Variants in FRMD4A observed in about 807,000 individuals in gnomAD.
The protein encoded by FRMD4A is FERM domain-containing protein 4A.
Under a neutral mutation model 129.1 loss-of-function variants are expected in FRMD4A, and 29 were observed. The observed-to-expected ratio is 0.22, with a 90% CI of 0.17 to 0.31. The LOEUF is 0.31. FRMD4A is among the 10% of genes least tolerant of loss of function. The pLI is 1.00. For synonymous variants in FRMD4A, 634 were observed against 571.6 expected, an observed-to-expected ratio of 1.11 and a Z score of -1.56; for missense variants, 1,272 against 1,375.8, an observed-to-expected ratio of 0.92 and a Z score of 1.19.
rs565386669 is a variant in FRMD4A, at chr10:13,724,967, G to A, written c.759+12877C>T. On this transcript the variant is annotated intron_variant, in intron 12 of 24. Coordinates refer to ENST00000357447, the MANE Select transcript of FRMD4A (RefSeq NM_018027.5). ...GATCTAGCTTGAGCACTGGCTCCAC[G>A]GGAGTCAAAGACAGACGTGGGGTTA... Among the ~76,000 whole-genome samples the A allele has an allele frequency of 1.2e-4, 19 of 152,280 alleles. 1 individual carries two copies. The East Asian group carries it at 2.7e-3, about 22-fold the overall frequency.
chr10:14,223,132 T>A (rs1346615152), intron 2 of FRMD4A, among the ~76,000 whole-genome samples: 1 of 152,108 alleles, frequency 6.6e-6, no homozygotes, highest in Non-Finnish European at 1.5e-5. Context: ...AAAACACCAG[T>A]GACAGCCACT....
chr10:13,692,137 CAGCT>C (rs2085756682), intron 15 of FRMD4A: 1 of 93,770 alleles, frequency 1.1e-5, no homozygotes, highest in East Asian at 3.6e-4. Context: ...AAAATTTTAG[CAGCT>C]TTTTTTTTTT....
chr10:14,000,013 G>A (rs2095636066), intron 2 of FRMD4A, among the ~76,000 whole-genome samples: 1 of 152,204 alleles, frequency 6.6e-6, no homozygotes, highest in Admixed American at 6.5e-5. Flanking sequence ...CCCAGGTATT[G>A]TTGTAGGCTC....
chr10:13,661,827 C>T (rs565530782), intron 19 of FRMD4A, among the ~76,000 whole-genome samples: 48 of 152,214 alleles, frequency 3.2e-4, no homozygotes, highest in African/African-American at 1.2e-3. Context: ...CAACCAACTA[C>T]CATTCACTTG....
chr10:13,955,538 A>G (rs923269082), intron 2 of FRMD4A, among the ~76,000 whole-genome samples: 2 of 152,162 alleles, frequency 1.3e-5, no homozygotes, highest in East Asian at 3.8e-4. Context: ...GGCCCTGGGC[A>G]TTTCTTTTCT....
intron 8 of FRMD4A, among the ~76,000 whole-genome samples, chr10:13,750,187 G>A (rs2091544994): frequency 2.1e-5 from 2 of 96,472 alleles, no homozygotes; most frequent in South Asian, 4.1e-4. Flanking sequence ...GACCAGTGGT[G>A]TTGGTGAATC....
chr10:14,026,836 C>T (rs1833006163), intron 2 of FRMD4A, among the ~76,000 whole-genome samples: 1 of 152,204 alleles, frequency 6.6e-6, no homozygotes, highest in South Asian at 2.1e-4. Context: ...CCATGAGGGG[C>T]CCTATCATAA....
chr10:13,663,479 A>G lies in FRMD4A; in HGVS notation c.1634T>C (p.Leu545Pro). The G allele has an allele frequency of 6.4e-7, 1 of 1,563,686 alleles. No individual in the cohort carries two copies. Among genetic ancestry groups the G allele is most frequent in the Non-Finnish European group, 8.8e-7 (1 of 1,133,768 alleles). Residue 545 changes from leucine to proline, a missense_variant, in exon 19 of 25, where the codon CTC (leucine) becomes CCC (proline). Around this residue, in one of 2 missense-constraint regions of FRMD4A, gnomAD observed 972 missense variants for 892.3 expected, o/e 1.09. Transcript: ENST00000357447. ...DGNIASEDSS[L>P]SDALVLEDED... ...ATCCTCAAGAACAAGGGCATCTGAG[A>G]GGGAGCTGTCTTCACTGGCAATGTT...
chr10:14,203,837 A>G (rs954127929), intron 2 of FRMD4A, among the ~76,000 whole-genome samples: 3 of 152,218 alleles, frequency 2.0e-5, no homozygotes, highest in Non-Finnish European at 4.4e-5. Flanking sequence ...AAAAGCATTC[A>G]TTTGAATTGT....
At chr10:14,021,403 A>T (rs1479421915) in intron 2 of FRMD4A, among the ~76,000 whole-genome samples, 2 of 151,694 alleles carry the variant, frequency 1.3e-5, no homozygotes, top group Non-Finnish European at 2.9e-5. Flanking sequence ...AAAATAATAA[A>T]AAAAACAGCT....
intron 2 of FRMD4A, among the ~76,000 whole-genome samples, chr10:14,065,741 T>C (rs1835024742): frequency 6.6e-6 from 1 of 152,166 alleles, no homozygotes; most frequent in African/African-American, 2.4e-5. Context: ...CTTAATTTTA[T>C]AAAACAAAGA....
intron 2 of FRMD4A, among the ~76,000 whole-genome samples, chr10:14,167,109 C>CA (rs1428233812): frequency 1.3e-5 from 2 of 151,398 alleles, no homozygotes; most frequent in East Asian, 1.9e-4. Flanking sequence ...GTTCCGAGCT[C>CA]AAAAAAAGAG....
At chr10:13,728,488 G>A (rs2090069638) in intron 12 of FRMD4A, among the ~76,000 whole-genome samples, 1 of 151,426 alleles carries the variant, frequency 6.6e-6, no homozygotes, top group Non-Finnish European at 1.5e-5. Flanking sequence ...CTCATATGGG[G>A]GCCATTTTAT....
At chr10:14,311,925 A>T (rs2132106529) in intron 2 of FRMD4A, among the ~76,000 whole-genome samples, 1 of 152,234 alleles carries the variant, frequency 6.6e-6, no homozygotes, top group Admixed American at 6.5e-5. Flanking sequence ...GAAGTGAGGG[A>T]CCATGTCTTA....
In FRMD4A at chr10:13,657,611, C is replaced by T. The variant is rs558725322; in HGVS notation, c.2067-89G>A. The T allele has an allele frequency of 2.9e-4, 413 of 1,435,988 alleles. 2 individuals are homozygous for T. In the African/African-American group the frequency reaches 5.4e-3, roughly 19 times the overall value. 89.0% of individuals were successfully genotyped at this position (1,435,988 alleles called of 1,614,324 possible). On this transcript the variant is annotated intron_variant, in intron 21 of 24. Coordinates refer to ENST00000357447, the MANE Select transcript of FRMD4A (RefSeq NM_018027.5). ...GGAGGAGGGGGTCCTGAGGAGGGCA[C>T]TGGGTGTCTGCACGCGGGCGCAGGC...
At chr10:14,002,930 C>T (rs2095647732) in intron 2 of FRMD4A, among the ~76,000 whole-genome samples, 1 of 152,090 alleles carries the variant, frequency 6.6e-6, no homozygotes, top group East Asian at 1.9e-4. Flanking sequence ...CATGTCCACG[C>T]ATGGTTGGAA....
chr10:13,908,164 T>TA (rs58370207), intron 2 of FRMD4A, among the ~76,000 whole-genome samples: 31,672 of 40,376 alleles, frequency 0.78, 13,760 homozygotes, highest in East Asian at 0.89. Flanking sequence ...AAACTCCATC[T>TA]AAAAAAAAAA....
intron 3 of FRMD4A, among the ~76,000 whole-genome samples, chr10:13,817,407 G>T (rs570482935): frequency 7.6e-4 from 116 of 152,314 alleles, no homozygotes; most frequent in African/African-American, 2.7e-3. Context: ...GGCAGGACAC[G>T]ACTAACTAGA....
At chr10:13,647,117 A>G (rs74121341) in intron 24 of FRMD4A, 82 bp from the exon 25 acceptor site, 7,509 of 189,972 alleles carry the variant, frequency 0.04, 500 homozygotes, top group African/African-American at 0.14. Flanking sequence ...TGAGAAGGAT[A>G]TGTTCACCTT....
Sources: gnomAD v4.1 joint callset for allele counts (sites outside exome capture counted in the v4.1 genomes callset) on GRCh38, gnomAD v4.1.1 for gene constraint, gnomAD v4.1.1 regional missense constraint, MANE v1.5 for transcripts, NCBI Gene and HGNC (gene_info 2026-07-23, HGNC 2026-07-21) for gene names.